CRTC3: variants seen among roughly 807,000 people sequenced by gnomAD.
CRTC3 encodes the protein CREB-regulated transcription coactivator 3.
A neutral mutation model predicts 74.5 loss-of-function variants in CRTC3; 26 were observed. The ratio of observed to expected loss-of-function variants is 0.35; its 90% CI spans 0.26 to 0.48. The LOEUF (loss-of-function observed/expected upper bound fraction) is 0.48. CRTC3 is among the 20% of genes least tolerant of loss of function. The pLI, the probability that CRTC3 is intolerant of heterozygous loss-of-function variation, is 0.99. For synonymous variants in CRTC3, 377 were observed against 325.8 expected (o/e 1.16, Z -1.69); for missense variants, 760 against 787.3 (o/e 0.97, Z 0.41).
rs111853451 is a variant in CRTC3 at position 90,638,337 on chromosome 15, C to T, written c.1267-109C>T. Reference sequence around the variant, plus strand: ...TCTCACAGCATTGCACAGAACACCGCGGTGAGGAAAATCTCAGGCTTCCTC... The same window carrying T: ...TCTCACAGCATTGCACAGAACACCGTGGTGAGGAAAATCTCAGGCTTCCTC... On this transcript the variant is annotated intron_variant, in intron 11 of 14. Transcript: ENST00000268184. 5.8e-3 allele frequency: 5,269 copies of T among 901,852 alleles called. 28 individuals carry two copies. Among genetic ancestry groups the T allele is most frequent in the African/African-American group, 0.01 (609 of 60,760 alleles). 55.9% of individuals were successfully genotyped at this position (901,852 alleles called of 1,614,324 possible).
intron 1 of CRTC3, among the ~76,000 whole-genome samples, chr15:90,532,211 A>G (rs937696156): frequency 1.3e-5 from 2 of 152,244 alleles, no homozygotes; most frequent in African/African-American, 4.8e-5. Flanking sequence ...TCATAAACAC[A>G]TCTGTAAATG....
intron 2 of CRTC3, among the ~76,000 whole-genome samples, chr15:90,547,259 A>G (rs1402384387): frequency 6.6e-6 from 1 of 152,194 alleles, no homozygotes; most frequent in Non-Finnish European, 1.5e-5. Context: ...GCTCTCAGCA[A>G]TTTGCAATAT....
intron 2 of CRTC3, among the ~76,000 whole-genome samples, chr15:90,592,902 C>G (rs1967834713): frequency 6.6e-6 from 1 of 152,114 alleles, no homozygotes; most frequent in Non-Finnish European, 1.5e-5. Flanking sequence ...CCTGTAATCC[C>G]AGCACTTTGG....
At chr15:90,572,919 A>C (rs539500717) in intron 2 of CRTC3, among the ~76,000 whole-genome samples, 1 of 152,316 alleles carries the variant, frequency 6.6e-6, no homozygotes, top group South Asian at 2.1e-4. Flanking sequence ...AAAACACATA[A>C]CTTAAAACTT....
intron 2 of CRTC3, among the ~76,000 whole-genome samples, chr15:90,589,017 T>G (rs568393406): frequency 6.6e-6 from 1 of 152,170 alleles, no homozygotes; most frequent in African/African-American, 2.4e-5. Flanking sequence ...CCGAATCATA[T>G]GTGTTTTTGG....
At chr15:90,581,366 A>G (rs1967537077) in intron 2 of CRTC3, among the ~76,000 whole-genome samples, 2 of 152,294 alleles carry the variant, frequency 1.3e-5, no homozygotes, top group South Asian at 4.1e-4. Flanking sequence ...TTATCTAACT[A>G]AATATTCCAG....
intron 2 of CRTC3, among the ~76,000 whole-genome samples, chr15:90,545,576 G>GT (rs540477533): frequency 1.6e-3 from 212 of 132,132 alleles, no homozygotes; most frequent in Middle Eastern, 3.9e-3. Context: ...ATTTTTGTTT[G>GT]TTTTTTTTTT....
At chr15:90,551,951 C>T (rs1187756907) in intron 2 of CRTC3, among the ~76,000 whole-genome samples, 4 of 16,154 alleles carry the variant, frequency 2.5e-4, no homozygotes, top group Non-Finnish European at 2.8e-4. Context: ...CACGCACACA[C>T]ACACACACAC....
intron 11 of CRTC3, among the ~76,000 whole-genome samples, chr15:90,633,627 A>G (rs562663177): frequency 6.6e-6 from 1 of 152,294 alleles, no homozygotes; most frequent in African/African-American, 2.4e-5. Context: ...GGTTCCTTCA[A>G]TCTGGAAACT....
At position 90,542,105 on chromosome 15, in the gene CRTC3, TTTTTG is replaced by T. The variant is rs1001198701; in HGVS notation, c.231+1988_231+1992del. Among the ~76,000 whole-genome samples the T allele has an allele frequency of 4.0e-5, 6 of 151,576 alleles. No homozygotes were observed. The Middle Eastern group carries it at 0.021, about 523-fold the overall frequency. ...AGCCCCCAGGATTCTTTTCATACTG[TTTTTG>T]TTTTGTTTTGTTTTGTTTTTCTTTG... On this transcript the variant is annotated intron_variant, in intron 2 of 14. Transcript: ENST00000268184.
At chr15:90,589,765 T>A (rs1188267481) in intron 2 of CRTC3, among the ~76,000 whole-genome samples, 1 of 152,168 alleles carries the variant, frequency 6.6e-6, no homozygotes, top group Non-Finnish European at 1.5e-5. Context: ...GGCATGTGGA[T>A]CACTTGAGGT....
intron 2 of CRTC3, among the ~76,000 whole-genome samples, chr15:90,546,319 T>C (rs1966844209): frequency 6.6e-6 from 1 of 152,206 alleles, no homozygotes; most frequent in South Asian, 2.1e-4. Flanking sequence ...ATTGAATGCC[T>C]TGGTACCTTT....
intron 11 of CRTC3, among the ~76,000 whole-genome samples, chr15:90,637,124 A>C (rs1230071136): frequency 6.6e-6 from 1 of 152,270 alleles, no homozygotes; most frequent in Non-Finnish European, 1.5e-5. Flanking sequence ...TTGCAGCACT[A>C]TTCACAATAG....
At chr15:90,608,596 A>G (rs1238874460) in intron 6 of CRTC3, among the ~76,000 whole-genome samples, 1 of 152,104 alleles carries the variant, frequency 6.6e-6, no homozygotes, top group Non-Finnish European at 1.5e-5. Context: ...CTGCTCTCTT[A>G]GCACCTGCAA....
At chr15:90,598,497 C>G in intron 3 of CRTC3, 3 of 702,674 alleles carry the variant, frequency 4.3e-6, no homozygotes, top group South Asian at 3.0e-5. Flanking sequence ...GGCAGTAACT[C>G]GAGGAGGAAG....
chr15:90,607,065 G>A (rs1968241757), intron 5 of CRTC3, among the ~76,000 whole-genome samples: 1 of 152,030 alleles, frequency 6.6e-6, no homozygotes, highest in African/African-American at 2.4e-5. Context: ...CAGCTTCCGA[G>A]CTGGGAAGAA....
At chr15:90,610,224 A>G (rs1968324991) in intron 6 of CRTC3, among the ~76,000 whole-genome samples, 1 of 152,220 alleles carries the variant, frequency 6.6e-6, no homozygotes, top group South Asian at 2.1e-4. Flanking sequence ...GCAAAAAGGT[A>G]TTTCTTATAG....
chr15:90,633,755 A>C (rs923346371), intron 11 of CRTC3, among the ~76,000 whole-genome samples: 1 of 145,038 alleles, frequency 6.9e-6, no homozygotes, highest in African/African-American at 2.6e-5. Flanking sequence ...CTTTTCCTCT[A>C]TTATCCTTAT....
At position 90,644,323 on chromosome 15, in the gene CRTC3, T is replaced by G. The variant is rs896997975; in HGVS notation, c.*2183T>G. 3 of 230,124 alleles carry G rather than the reference T, an allele frequency of 1.3e-5. No individual in the cohort carries two copies. Among genetic ancestry groups the G allele is most frequent in the Non-Finnish European group, 2.6e-5 (3 of 116,202 alleles). 14.3% of individuals were successfully genotyped at this position (230,124 alleles called of 1,614,324 possible). A position where few individuals can be genotyped will look rare whatever the true frequency, so the allele number is the denominator to read the frequency against. The stretch of plus-strand genomic sequence containing the variant: ...AAAGGGCTTCCAAACCTGATCTCAC[T>G]CTCAACAGGCGATGGTGCTGATGTT... On this transcript the variant is annotated 3_prime_UTR_variant, in exon 15 of 15. Transcript: ENST00000268184.
Sources: allele counts gnomAD v4.1 joint callset (sites outside exome capture counted in the v4.1 genomes callset), GRCh38; gene constraint gnomAD v4.1.1; transcripts MANE v1.5; gene names NCBI Gene and HGNC (gene_info 2026-07-23, HGNC 2026-07-21).